AUTS2: variants seen among roughly 807,000 people sequenced by gnomAD.
AUTS2 encodes activator of transcription and developmental regulator AUTS2.
A neutral mutation model predicts 112.4 loss-of-function variants in AUTS2; 17 were observed. That is an observed-to-expected ratio of 0.15 (90% CI 0.10 to 0.23). The LOEUF (loss-of-function observed/expected upper bound fraction) is 0.23. Ranked by LOEUF, AUTS2 falls within the 10% of genes least tolerant of loss-of-function variation. AUTS2 has a pLI of 1.00. For synonymous variants in AUTS2, 751 were observed against 702.7 expected (o/e 1.07, Z -1.09); for missense variants, 1,510 against 1,701.6 (o/e 0.89, Z 1.98).
At chr7:70,126,235 A>G (rs895076065) in intron 3 of AUTS2, among the ~76,000 whole-genome samples, 1 of 152,168 alleles carries the variant, frequency 6.6e-6, no homozygotes. Context: ...CCTGGCCAAC[A>G]TGGTGAAACC....
At chr7:69,981,226 T>A (rs1215270494) in intron 2 of AUTS2, among the ~76,000 whole-genome samples, 1 of 152,196 alleles carries the variant, frequency 6.6e-6, no homozygotes, top group African/African-American at 2.4e-5. Flanking sequence ...CTTATAGAGA[T>A]GAGTATTCAT....
At chr7:69,688,211 G>A (rs1426857245) in intron 1 of AUTS2, among the ~76,000 whole-genome samples, 1 of 152,220 alleles carries the variant, frequency 6.6e-6, no homozygotes, top group Non-Finnish European at 1.5e-5. Flanking sequence ...GAAATGAATT[G>A]GTGGATTCCC....
At chr7:69,984,527 G>A (rs1260305743) in intron 2 of AUTS2, among the ~76,000 whole-genome samples, 2 of 151,922 alleles carry the variant, frequency 1.3e-5, no homozygotes, top group Non-Finnish European at 2.9e-5. Flanking sequence ...GGACCAGTGA[G>A]CATGCATTTT....
chr7:70,462,670 A>T (rs77475558), intron 5 of AUTS2, among the ~76,000 whole-genome samples: 2 of 152,260 alleles, frequency 1.3e-5, no homozygotes, highest in Non-Finnish European at 2.9e-5. Context: ...CTAAAAAAAA[A>T]TCTAGGCTGG....
intron 5 of AUTS2, among the ~76,000 whole-genome samples, chr7:70,476,823 G>A (rs1004780632): frequency 5.9e-5 from 9 of 152,198 alleles, no homozygotes; most frequent in African/African-American, 2.2e-4. Context: ...GTAAAGCACA[G>A]TGCCTGAGGT....
At chr7:69,803,360 C>T (rs1226970068) in intron 1 of AUTS2, among the ~76,000 whole-genome samples, 2 of 152,026 alleles carry the variant, frequency 1.3e-5, no homozygotes, top group Non-Finnish European at 2.9e-5. Flanking sequence ...CCAGTGGGGG[C>T]CATCTAGAAG....
chr7:70,208,588 A>T (rs1355243469), intron 4 of AUTS2, among the ~76,000 whole-genome samples: 2 of 152,124 alleles, frequency 1.3e-5, no homozygotes, highest in Non-Finnish European at 2.9e-5. Context: ...CTGAACAAGA[A>T]CAGAAGCCTT....
At chr7:70,368,481 G>A (rs752061171) in intron 4 of AUTS2, among the ~76,000 whole-genome samples, 3 of 152,150 alleles carry the variant, frequency 2.0e-5, no homozygotes, top group Non-Finnish European at 2.9e-5. Context: ...TGAGGCATTG[G>A]GCAGGATAAT....
At chr7:70,147,099 A>G (rs1807166473) in intron 4 of AUTS2, among the ~76,000 whole-genome samples, 2 of 152,138 alleles carry the variant, frequency 1.3e-5, no homozygotes, top group South Asian at 2.1e-4. Flanking sequence ...GTGCATGCTT[A>G]TAGTCCCAGC....
intron 5 of AUTS2, among the ~76,000 whole-genome samples, chr7:70,614,669 G>A (rs191101898): frequency 6.6e-6 from 1 of 152,302 alleles, no homozygotes; most frequent in East Asian, 1.9e-4. Context: ...GGCCTTCTTA[G>A]CCTGGGTCTG....
At chr7:70,713,385 C>G (rs1175844192) in intron 6 of AUTS2, among the ~76,000 whole-genome samples, 3 of 152,062 alleles carry the variant, frequency 2.0e-5, no homozygotes, top group Admixed American at 2.0e-4. Flanking sequence ...TTTTTTTCTT[C>G]TGTATTGAAT....
intron 4 of AUTS2, among the ~76,000 whole-genome samples, chr7:70,375,730 G>A (rs571146892): frequency 5.1e-4 from 78 of 152,304 alleles, no homozygotes; most frequent in African/African-American, 1.8e-3. Flanking sequence ...GTAAGGTGGG[G>A]TTGGTGAGAT....
At chr7:70,687,943 G>A (rs1228358461) in intron 5 of AUTS2, among the ~76,000 whole-genome samples, 2 of 152,206 alleles carry the variant, frequency 1.3e-5, no homozygotes, top group African/African-American at 2.4e-5. Context: ...GAACAGTGTG[G>A]AAGGCAGAAT....
At chr7:70,695,158 G>T in intron 5 of AUTS2, 1 of 152,560 alleles carries the variant, frequency 6.6e-6, no homozygotes, top group South Asian at 2.0e-4. Context: ...AGGGGTGGCA[G>T]GGGCGGGCTT....
At chr7:70,672,818 G>T (rs1291508048) in intron 5 of AUTS2, among the ~76,000 whole-genome samples, 1 of 152,110 alleles carries the variant, frequency 6.6e-6, no homozygotes, top group South Asian at 2.1e-4. Context: ...GGCCAGGATG[G>T]TCTCAATCTC....
rs559171974 is a variant in AUTS2, at chr7:69,954,563, C to G, written c.522+55065C>G. 2.6e-4 allele frequency among the ~76,000 whole-genome samples: 39 copies of G among 152,310 alleles called. 1 individual carries two copies. Among genetic ancestry groups the G allele is most frequent in the South Asian group, 4.1e-4 (2 of 4,826 alleles). On this transcript the variant is annotated intron_variant, in intron 2 of 18. Transcript: ENST00000342771. ...GGCTTAAGTGATTCTCCTGCCTTGG[C>G]CCCCCAGTTGCTGCGAGAATGGTGC...
chr7:69,614,370 T>TCTTTCTTTTCTTTC (rs1322536871), intron 1 of AUTS2, among the ~76,000 whole-genome samples: 4 of 28,502 alleles, frequency 1.4e-4, no homozygotes, highest in Non-Finnish European at 1.8e-4. Context: ...CTTTCTTTTT[T>TCTTTCTTTTCTTTC]TAAGAGATGG....
At chr7:70,387,736 T>C (rs1562928948) in intron 4 of AUTS2, among the ~76,000 whole-genome samples, 1 of 152,194 alleles carries the variant, frequency 6.6e-6, no homozygotes, top group Non-Finnish European at 1.5e-5. Context: ...AGCTTTTTTA[T>C]TCTATTGAAG....
intron 5 of AUTS2, among the ~76,000 whole-genome samples, chr7:70,615,565 CTT>C (rs1491008309): frequency 1.2e-4 from 18 of 148,480 alleles, no homozygotes; most frequent in African/African-American, 4.2e-4. Flanking sequence ...AGATTTATGG[CTT>C]GTTGTTGTTG....
Sources: gnomAD v4.1 joint callset for allele counts (sites outside exome capture counted in the v4.1 genomes callset) on GRCh38, gnomAD v4.1.1 for gene constraint, MANE v1.5 for transcripts, NCBI Gene and HGNC (gene_info 2026-07-23, HGNC 2026-07-21) for gene names.